The following STK24 variants were observed in gnomAD, a reference collection of about 807,000 sequenced individuals.
The protein encoded by STK24 is serine/threonine-protein kinase 24.
A neutral mutation model predicts 55.6 loss-of-function variants in STK24; 21 were observed. The observed-to-expected ratio is 0.38, with a 90% CI of 0.27 to 0.54. The LOEUF is 0.54. Among genes scored for constraint, STK24 ranks in the 20% least tolerant of loss-of-function variants. STK24 has a pLI of 0.79. For synonymous variants in STK24, 200 were observed against 215.2 expected (o/e 0.93, Z 0.62); for missense variants, 383 against 538.4 (o/e 0.71, Z 2.86).
chr13:98,543,075 G>C, intron 1 of STK24: 3 of 966,994 alleles, frequency 3.1e-6, no homozygotes, highest in Non-Finnish European at 3.7e-6. Flanking sequence ...CCAAGGGAGG[G>C]GGGAGAGGCC....
chr13:98,520,710 GAC>G (rs1390470413), intron 1 of STK24, among the ~76,000 whole-genome samples: 3 of 152,258 alleles, frequency 2.0e-5, no homozygotes, highest in Non-Finnish European at 4.4e-5. Context: ...TCCAAGGTGA[GAC>G]ACACTGAGTT....
chr13:98,546,163 C>A (rs1339360889), intron 1 of STK24, among the ~76,000 whole-genome samples: 2 of 152,150 alleles, frequency 1.3e-5, no homozygotes, highest in African/African-American at 4.8e-5. Flanking sequence ...TGCTGGGGTC[C>A]ACCTGATGCC....
intron 1 of STK24, among the ~76,000 whole-genome samples, chr13:98,556,918 A>C (rs1897301783): frequency 6.6e-6 from 1 of 152,184 alleles, no homozygotes; most frequent in Admixed American, 6.5e-5. Context: ...AAATTTGTTA[A>C]AAGGAACTCC....
intron 2 of STK24, among the ~76,000 whole-genome samples, chr13:98,509,775 G>A (rs771597777): frequency 2.6e-5 from 4 of 152,090 alleles, no homozygotes; most frequent in Non-Finnish European, 4.4e-5. Flanking sequence ...AGGCCTGCCC[G>A]AGAACTTACA....
At chr13:98,545,243 G>A (rs911241639) in intron 1 of STK24, among the ~76,000 whole-genome samples, 1 of 152,216 alleles carries the variant, frequency 6.6e-6, no homozygotes, top group Non-Finnish European at 1.5e-5. Context: ...TGTTCTCTCT[G>A]TTTTTCTGCA....
At chr13:98,560,267 GC>G (rs1484563047) in intron 1 of STK24, among the ~76,000 whole-genome samples, 3 of 152,164 alleles carry the variant, frequency 2.0e-5, no homozygotes, top group African/African-American at 7.2e-5. Flanking sequence ...GCTCAATATT[GC>G]CCCTGACCCA....
At chr13:98,474,274 C>T (rs1455719356) in intron 5 of STK24, among the ~76,000 whole-genome samples, 1 of 152,202 alleles carries the variant, frequency 6.6e-6, no homozygotes, top group African/African-American at 2.4e-5. Flanking sequence ...TTGACAAGGA[C>T]AGGCTGGGAA....
intron 1 of STK24, among the ~76,000 whole-genome samples, chr13:98,546,085 T>C (rs1452360406): frequency 6.6e-6 from 1 of 152,248 alleles, no homozygotes; most frequent in Non-Finnish European, 1.5e-5. Flanking sequence ...GATTAACTTC[T>C]GATACATGAA....
intron 10 of STK24, chr13:98,454,208 G>A (rs1363948628): frequency 6.6e-6 from 1 of 152,246 alleles, no homozygotes; most frequent in African/African-American, 2.4e-5. Flanking sequence ...TGCACCCAAA[G>A]ATGCTGATGA....
chr13:98,559,419 C>T (rs1024476985), intron 1 of STK24, among the ~76,000 whole-genome samples: 5 of 152,178 alleles, frequency 3.3e-5, no homozygotes, highest in Non-Finnish European at 5.9e-5. Flanking sequence ...ACATGTGAGA[C>T]GTGACTTTGC....
At chr13:98,543,760 G>A (rs920220151) in intron 1 of STK24, among the ~76,000 whole-genome samples, 2 of 152,198 alleles carry the variant, frequency 1.3e-5, no homozygotes, top group African/African-American at 4.8e-5. Context: ...CCCCGAGGGT[G>A]AAGCCTGCAG....
intron 5 of STK24, 38 bp from the exon 6 acceptor site, chr13:98,466,599 G>C: frequency 5.6e-6 from 9 of 1,604,836 alleles, no homozygotes; most frequent in Non-Finnish European, 7.7e-6. Context: ...CACCAAGCAG[G>C]AATCTATTCC....
chr13:98,555,031 A>AAAAAAG (rs1555312204), intron 1 of STK24, among the ~76,000 whole-genome samples: 3 of 143,672 alleles, frequency 2.1e-5, no homozygotes, highest in South Asian at 2.2e-4. Flanking sequence ...AAAAAAAAAA[A>AAAAAAG]AAAGAAAGAA....
chr13:98,496,745 C>G (rs946790181), intron 2 of STK24, among the ~76,000 whole-genome samples: 1 of 152,222 alleles, frequency 6.6e-6, no homozygotes, highest in Non-Finnish European at 1.5e-5. Flanking sequence ...AAGAGAATCA[C>G]AAACCCAAAA....
rs1270787310 is a variant in STK24 at position 98,475,344 on chromosome 13, T to C, written c.345A>G (p.Pro115=). The C allele has an allele frequency of 3.1e-6, 5 of 1,610,534 alleles. No homozygotes were observed. The South Asian group carries it at 5.6e-5, about 18-fold the overall frequency. ...GSALDLLEPG[P]LDETQIATIL... The stretch of plus-strand genomic sequence containing the variant: ...TAGTAGCGATCTGGGTTTCATCTAA[T>C]GGGCCAGGTTCTAACTAAGAAGAGA... Residue 115 remains proline (P), a synonymous_variant, in exon 4 of 11, where the codon CCA becomes CCG. Transcript: ENST00000539966.
intron 2 of STK24, among the ~76,000 whole-genome samples, chr13:98,503,341 T>A (rs542569201): frequency 6.6e-6 from 1 of 152,264 alleles, no homozygotes; most frequent in Admixed American, 6.5e-5. Context: ...AAATAGAAGA[T>A]GAGGGCAGAA....
chr13:98,569,566 C>T (rs1185529806), intron 1 of STK24, among the ~76,000 whole-genome samples: 5 of 152,026 alleles, frequency 3.3e-5, no homozygotes, highest in Non-Finnish European at 4.4e-5. Flanking sequence ...AGGTGCCACC[C>T]GAACTTCCTA....
intron 1 of STK24, among the ~76,000 whole-genome samples, chr13:98,544,581 C>T (rs765228851): frequency 6.6e-6 from 1 of 152,204 alleles, no homozygotes; most frequent in African/African-American, 2.4e-5. Flanking sequence ...CCCCAGGAGG[C>T]AATGCTCCCC....
In STK24 at chr13:98,446,315, A is replaced by C; in HGVS notation, c.*6858T>G. 1.4e-6 allele frequency: 1 copy of C among 704,502 alleles called. No homozygotes were observed. The highest frequency in any genetic ancestry group is 2.5e-6 in the Non-Finnish European group (1 of 406,630). The allele number at this position is 704,502 out of a possible 1,614,324, so 43.6% of individuals were successfully genotyped here. On this transcript the variant is annotated 3_prime_UTR_variant, in exon 11 of 11. Coordinates refer to ENST00000539966, the MANE Select transcript of STK24 (RefSeq NM_001032296.4). ...TCAGGCCTCTTGGGCTCCAGGTGTC[A>C]CGGGGATGACAGGGATGCTGGCGGG...
Sources: allele counts gnomAD v4.1 joint callset (sites outside exome capture counted in the v4.1 genomes callset), GRCh38; gene constraint gnomAD v4.1.1; transcripts MANE v1.5; gene names NCBI Gene and HGNC (gene_info 2026-07-23, HGNC 2026-07-21).